The following PPP2R1A variants were observed in gnomAD, a reference collection of about 807,000 sequenced individuals.
PPP2R1A encodes serine/threonine-protein phosphatase 2A 65 kDa regulatory subunit A alpha isoform.
Under a neutral mutation model 67.1 loss-of-function variants are expected in PPP2R1A, and 15 were observed. The observed-to-expected ratio is 0.22, with a 90% confidence interval of 0.15 to 0.34. PPP2R1A has a LOEUF of 0.34. Among genes scored for constraint, PPP2R1A ranks in the 10% least tolerant of loss-of-function variants. PPP2R1A has a pLI of 1.00. For synonymous variants in PPP2R1A, 337 were observed against 325.0 expected (o/e 1.04, Z -0.40); for missense variants, 369 against 775.0 (o/e 0.48, Z 6.22).
intron 3 of PPP2R1A, among the ~76,000 whole-genome samples, chr19:52,206,815 G>A (rs2089607713): frequency 6.6e-6 from 1 of 152,162 alleles, no homozygotes; most frequent in African/African-American, 2.4e-5. Context: ...CTAGTCCCCT[G>A]GTTTTCACTG....
At chr19:52,194,294 G>T (rs2089479691) in intron 1 of PPP2R1A, among the ~76,000 whole-genome samples, 1 of 152,010 alleles carries the variant, frequency 6.6e-6, no homozygotes, top group South Asian at 2.1e-4. Context: ...GGAGTGGGAG[G>T]ATGCTTGATG....
chr19:52,222,345 C>T (rs747246687), intron 13 of PPP2R1A, 104 bp downstream of exon 13: 6 of 1,449,376 alleles, frequency 4.1e-6, no homozygotes, highest in Non-Finnish European at 5.5e-6. Context: ...TGGCAGCGCT[C>T]CTTGCTTGCT....
chr19:52,205,311 C>T (rs2089590737), intron 2 of PPP2R1A, among the ~76,000 whole-genome samples: 1 of 152,180 alleles, frequency 6.6e-6, no homozygotes, highest in Non-Finnish European at 1.5e-5. Context: ...TTTCCCTTCA[C>T]ATATTCATTC....
intron 1 of PPP2R1A, among the ~76,000 whole-genome samples, chr19:52,196,569 T>G (rs1053635970): frequency 2.6e-5 from 4 of 152,204 alleles, no homozygotes; most frequent in African/African-American, 9.7e-5. Context: ...CAGACTTGCT[T>G]GTATATCTCT....
Position 52,211,106 on chromosome 19 carries a change from C to A in PPP2R1A, c.271-154C>A, listed in dbSNP as rs187788799. Among the ~76,000 whole-genome samples, 1 of 152,196 alleles carries A rather than the reference C, an allele frequency of 6.6e-6. No homozygotes were observed. The highest frequency in any genetic ancestry group is 1.5e-5 in the Non-Finnish European group (1 of 68,034). On this transcript the variant is annotated intron_variant, in intron 3 of 14. Coordinates refer to ENST00000322088, the MANE Select transcript of PPP2R1A (RefSeq NM_014225.6). The surrounding 1 kb of genome is among the most constrained non-coding windows in gnomAD (Gnocchi z 5.3). Reference sequence around the variant, plus strand: ...CGTTTTTCCTTTGAGTCATTCATTGCAACCATTTTTAAAGGCTATTTTAAT... The same window carrying A: ...CGTTTTTCCTTTGAGTCATTCATTGAAACCATTTTTAAAGGCTATTTTAAT...
At position 52,190,114 on chromosome 19, in the gene PPP2R1A, C is replaced by T. The variant is rs1180545930; in HGVS notation, c.18C>T (p.Gly6=). 2 of 1,549,782 alleles carry T rather than the reference C, an allele frequency of 1.3e-6. No homozygotes were observed. The highest frequency in any genetic ancestry group is 2.5e-5 in the East Asian group (1 of 40,710). Residue 6 remains glycine (G), a synonymous_variant, in exon 1 of 15, where the codon GGC becomes GGT. Coordinates refer to ENST00000322088, the MANE Select transcript of PPP2R1A (RefSeq NM_014225.6). The part of the protein sequence containing the change: MAAAD[G]DDSLYPIAVL... ...GAGCCAAGATGGCGGCGGCCGACGG[C>T]GACGACTCGCTGTACCCCATCGCGG... is the stretch of plus-strand genomic sequence containing the variant.
chr19:52,199,211 G>C (rs1427416628), intron 1 of PPP2R1A, among the ~76,000 whole-genome samples: 1 of 151,550 alleles, frequency 6.6e-6, no homozygotes, highest in Non-Finnish European at 1.5e-5. Context: ...CTGTCACCCA[G>C]GCTGGAGTGC....
chr19:52,197,836 G>A (rs1396556784), intron 1 of PPP2R1A, among the ~76,000 whole-genome samples: 1 of 152,136 alleles, frequency 6.6e-6, no homozygotes, highest in Non-Finnish European at 1.5e-5. Flanking sequence ...TCAAGACGGG[G>A]GATTCTGTAT....
chr19:52,222,376 C>T, intron 13 of PPP2R1A, 135 bp downstream of exon 13: 1 of 1,300,978 alleles, frequency 7.7e-7, no homozygotes, highest in South Asian at 1.7e-5. Context: ...GGCTCCCTTC[C>T]CTTCTCAAGG....
chr19:52,218,857 C>A (rs977334584), intron 9 of PPP2R1A, among the ~76,000 whole-genome samples: 2 of 152,126 alleles, frequency 1.3e-5, no homozygotes, highest in Non-Finnish European at 2.9e-5. Context: ...ATATGGTAAT[C>A]GTGTGCTGGC....
rs147064842 is a variant in PPP2R1A at position 52,222,152 on chromosome 19, G to A, written c.1572G>A (p.Thr524=). ...QDITTKHMLP[T]VLRMAGDPVA... ...TCACCACCAAGCACATGCTACCCAC[G>A]GTTCTGCGCATGGCTGGGGACCCGG... The change falls in exon 13 of 15, where the codon ACG becomes ACA. Residue 524 remains threonine (T), a synonymous_variant. Coordinates refer to ENST00000322088, the MANE Select transcript of PPP2R1A (RefSeq NM_014225.6). The A allele has an allele frequency of 2.1e-5, 34 of 1,614,144 alleles. No homozygotes were observed. Among genetic ancestry groups the A allele is most frequent in the Admixed American group, 1.2e-4 (7 of 60,010 alleles).
chr19:52,196,157 T>A (rs62109204), intron 1 of PPP2R1A, among the ~76,000 whole-genome samples: 2,863 of 152,092 alleles, frequency 0.019, 43 homozygotes, highest in Middle Eastern at 0.051. Flanking sequence ...TAGCAGGTGC[T>A]TGGTGGGGAC....
chr19:52,225,768 G>A lies in PPP2R1A; in HGVS notation c.1713G>A (p.Gln571=). Residue 571 remains glutamine, a synonymous_variant, in exon 14 of 15, where the codon CAG becomes CAA. Transcript: ENST00000322088. The part of the protein sequence containing the change: ...KPILEKLTQD[Q]DVDVKYFAQE... ...TCCTAGAGAAGCTGACCCAGGACCA[G>A]GATGTGGACGTCAAATACTTTGCCC... is the stretch of plus-strand genomic sequence containing the variant. The A allele has an allele frequency of 1.9e-6, 3 of 1,614,198 alleles. No homozygotes were observed. The highest frequency in any genetic ancestry group is 2.5e-6 in the Non-Finnish European group (3 of 1,180,044).
rs2089698007 is a variant in PPP2R1A at position 52,213,515 on chromosome 19, G to A, written c.807+405G>A. ...GATGGAGTCTGTCGCCCAGGCTAGA[G>A]TCTTGTTACCCAGCTGGAGTGTGGT... On this transcript the variant is annotated intron_variant, in intron 6 of 14. Transcript: ENST00000322088. This position sits in a 1 kb window ranked among gnomAD's most constrained non-coding sequence, Gnocchi z 4.2. Among the ~76,000 whole-genome samples the A allele has an allele frequency of 7.7e-6, 1 of 129,148 alleles. No homozygotes were observed. The highest frequency in any genetic ancestry group is 1.6e-5 in the Non-Finnish European group (1 of 64,148). The allele number at this position is 129,148 out of a possible 152,430, so 84.7% of individuals were successfully genotyped here.
rs748399975 is a variant in PPP2R1A at position 52,222,158 on chromosome 19, G to A, written c.1578G>A (p.Leu526=). The change falls in exon 13 of 15, where the codon CTG becomes CTA. Residue 526 remains leucine (L), a synonymous_variant. Transcript: ENST00000322088. ...CCAAGCACATGCTACCCACGGTTCT[G>A]CGCATGGCTGGGGACCCGGTTGCCA... is the stretch of plus-strand genomic sequence containing the variant. ...ITTKHMLPTV[L]RMAGDPVANV... 1.2e-5 allele frequency: 20 copies of A among 1,614,074 alleles called. No individual in the cohort carries two copies. The highest frequency in any genetic ancestry group is 2.5e-6 in the Non-Finnish European group (3 of 1,180,040).
At chr19:52,225,011 CTTTTTTTTTTTTTT>C (rs61015844) in intron 13 of PPP2R1A, among the ~76,000 whole-genome samples, 1 of 101,082 alleles carries the variant, frequency 9.9e-6, no homozygotes, top group African/African-American at 4.3e-5. Context: ...TTGAGTTTAC[CTTTTTTTTTTTTTT>C]TTTTTTTTTG....
Position 52,220,992 on chromosome 19 carries a change from C to T in PPP2R1A, c.1377C>T (p.Arg459=), listed in dbSNP as rs776415548. ...AWLVDHVYAI[R]EAATSNLKKL... is the part of the protein sequence containing the mutation. ...ACCCTTCTGCAGTATATGCCATCCG[C>T]GAGGCAGCCACCAGCAACCTGAAGA... Residue 459 remains arginine (R), a synonymous_variant, in exon 12 of 15, where the codon CGC becomes CGT. Transcript: ENST00000322088. 8.7e-6 allele frequency: 14 copies of T among 1,614,170 alleles called. No homozygotes were observed. The highest frequency in any genetic ancestry group is 5.5e-5 in the South Asian group (5 of 91,080).
At chr19:52,198,066 C>T (rs929287247) in intron 1 of PPP2R1A, among the ~76,000 whole-genome samples, 1 of 152,182 alleles carries the variant, frequency 6.6e-6, no homozygotes, top group Non-Finnish European at 1.5e-5. Flanking sequence ...TTAATCTTCC[C>T]CTGGTGCTAG....
At position 52,216,189 on chromosome 19, in the gene PPP2R1A, C is replaced by A; in HGVS notation, c.993+115C>A. On this transcript the variant is annotated intron_variant, in intron 8 of 14. Coordinates refer to ENST00000322088, the MANE Select transcript of PPP2R1A (RefSeq NM_014225.6). The surrounding 1 kb of genome is among the most constrained non-coding windows in gnomAD (Gnocchi z 4.3). ...AAACTAGGTTCCCAGCCCTCTGGGA[C>A]CAGGCAGCTCTTGGGTTTCAAGCAG... is the stretch of plus-strand genomic sequence containing the variant. 2.6e-6 allele frequency: 3 copies of A among 1,163,976 alleles called. No individual in the cohort carries two copies. The highest frequency in any genetic ancestry group is 3.7e-6 in the Non-Finnish European group (3 of 806,882). The allele number at this position is 1,163,976 out of a possible 1,614,324, so 72.1% of individuals were successfully genotyped here. A position where few individuals can be genotyped will look rare whatever the true frequency, so the allele number is the denominator to read the frequency against.
Sources: allele counts gnomAD v4.1 joint callset (sites outside exome capture counted in the v4.1 genomes callset), GRCh38; gene constraint gnomAD v4.1.1; non-coding constraint Gnocchi (gnomAD v3.1); transcripts MANE v1.5; gene names NCBI Gene and HGNC (gene_info 2026-07-23, HGNC 2026-07-21).